MED22: variants seen among roughly 807,000 people sequenced by gnomAD.
The protein encoded by MED22 is mediator complex subunit 22.
MED22 carries 22 observed loss-of-function variants against 22.7 expected under a neutral mutation model. The observed-to-expected ratio is 0.97, with a 90% CI of 0.69 to 1.38. The LOEUF is 1.38. Among genes scored for constraint, MED22 ranks in the 40% most tolerant of loss-of-function variants. The pLI is 0.00. For missense variants in MED22, 247 were observed against 263.0 expected, an observed-to-expected ratio of 0.94 and a Z score of 0.42; for synonymous variants, 134 against 119.4, an observed-to-expected ratio of 1.12 and a Z score of -0.80.
rs2129960284 is a variant in MED22 at position 133,344,190 on chromosome 9, G to A, written c.348C>T (p.Leu116=). The change falls in exon 4 of 5, where the codon CTC becomes CTT. Residue 116 remains leucine, a synonymous_variant. Transcript: ENST00000343730. ...TGGAGATCTCGTCTCGCAGCGTGAT[G>A]AGCTTCCGGTCGCACTCCTCCTGCA... The part of the protein sequence containing the change: ...RTLQEECDRK[L]ITLRDEISID... The A allele has an allele frequency of 4.3e-6, 7 of 1,614,084 alleles. No individual in the cohort carries two copies. Among genetic ancestry groups the A allele is most frequent in the Non-Finnish European group, 5.9e-6 (7 of 1,180,018 alleles).
At position 133,339,203 on chromosome 9, in the gene MED22, G is replaced by A. The variant is rs972416351; in HGVS notation, c.*2302C>T. 1 of 694,868 alleles carries A rather than the reference G, an allele frequency of 1.4e-6. No individual in the cohort carries two copies. Among genetic ancestry groups the A allele is most frequent in the Non-Finnish European group, 2.7e-6 (1 of 373,486 alleles). 43.0% of individuals were successfully genotyped at this position (694,868 alleles called of 1,614,324 possible). A position where few individuals can be genotyped will look rare whatever the true frequency, so the allele number is the denominator to read the frequency against. ...AGTCTACAGTGTTCCCCAGCATGCT[G>A]TTGGCACTGTTGTAAACAAGTAAGG... On this transcript the variant is annotated 3_prime_UTR_variant, in exon 5 of 5. Transcript: ENST00000343730.
chr9:133,339,416 G>A lies in MED22; in HGVS notation c.*2089C>T. On this transcript the variant is annotated 3_prime_UTR_variant, in exon 5 of 5. Transcript: ENST00000343730. ...GAGCAGCACACTGTGAGAACCAATGGGAAGGAGCCTGAGCTGCTGGAACCT... is the reference window on the plus strand; with the variant it reads ...GAGCAGCACACTGTGAGAACCAATGAGAAGGAGCCTGAGCTGCTGGAACCT... 1.3e-6 allele frequency: 1 copy of A among 787,676 alleles called. No individual in the cohort carries two copies. Among genetic ancestry groups the A allele is most frequent in the Non-Finnish European group, 2.3e-6 (1 of 436,938 alleles). 48.8% of individuals were successfully genotyped at this position (787,676 alleles called of 1,614,324 possible).
In MED22 at chr9:133,339,090, A is replaced by G; in HGVS notation, c.*2415T>C. On this transcript the variant is annotated 3_prime_UTR_variant, in exon 5 of 5. Coordinates refer to ENST00000343730, the MANE Select transcript of MED22 (RefSeq NM_133640.5). ...CCTTTGGCCAAGTATATGCAAATTG[A>G]TGAGAAAGGTGATATTGTAGATATC... is the stretch of plus-strand genomic sequence containing the variant. 1.5e-6 allele frequency: 1 copy of G among 679,306 alleles called. No individual in the cohort carries two copies. The highest frequency in any genetic ancestry group is 1.8e-5 in the African/African-American group (1 of 56,744). The allele number at this position is 679,306 out of a possible 1,614,324, so 42.1% of individuals were successfully genotyped here.
At chr9:133,343,374 C>T in intron 4 of MED22, 1 of 1,230,510 alleles carries the variant, frequency 8.1e-7, no homozygotes, top group Non-Finnish European at 1.0e-6. Context: ...CTAAGTTTCC[C>T]CCTAAGTAAA....
At position 133,348,083 on chromosome 9, in the gene MED22, A is replaced by T. The variant is rs1398599201; in HGVS notation, c.-200T>A. The T allele has an allele frequency of 7.8e-6, 8 of 1,030,808 alleles. No individual in the cohort carries two copies. The highest frequency in any genetic ancestry group is 1.6e-5 in the African/African-American group (1 of 62,814). 63.9% of individuals were successfully genotyped at this position (1,030,808 alleles called of 1,614,324 possible). ...CGCGCCGCGGTCCGAAAACCTAGTC[A>T]GCCGCCGCAGCCTCTCGGCCCCGCC... On this transcript the variant is annotated 5_prime_UTR_variant, in exon 1 of 5. Coordinates refer to ENST00000343730, the MANE Select transcript of MED22 (RefSeq NM_133640.5).
chr9:133,338,750 T>C lies in MED22; in HGVS notation c.*2755A>G, dbSNP rs1470231838. ...AGCCACCGCGCCCGGCCGATTTCTA[T>C]ACTTTTTAGTAGAGACGGGGTTTCT... On this transcript the variant is annotated 3_prime_UTR_variant, in exon 5 of 5. Transcript: ENST00000343730. The C allele has an allele frequency of 6.1e-6, 2 of 326,866 alleles. No homozygotes were observed. Among genetic ancestry groups the C allele is most frequent in the East Asian group, 1.5e-4 (2 of 13,306 alleles). 20.2% of individuals were successfully genotyped at this position (326,866 alleles called of 1,614,324 possible).
intron 3 of MED22, among the ~76,000 whole-genome samples, chr9:133,344,822 G>T (rs2129962932): frequency 3.3e-5 from 5 of 152,120 alleles, no homozygotes; most frequent in Non-Finnish European, 7.4e-5. Context: ...GTTCCATTCG[G>T]CTGTTTGTCT....
chr9:133,346,167 C>T (rs1373306640), intron 2 of MED22, among the ~76,000 whole-genome samples: 1 of 152,176 alleles, frequency 6.6e-6, no homozygotes, highest in Non-Finnish European at 1.5e-5. Context: ...GGCTTGCAGG[C>T]CCCAGTGCTG....
chr9:133,346,760 C>G (rs1030693370), intron 1 of MED22, 60 bp from the exon 2 acceptor site: 2 of 1,436,202 alleles, frequency 1.4e-6, no homozygotes, highest in Non-Finnish European at 9.3e-7. Flanking sequence ...CCCTCTATGC[C>G]CCAACCTTAG....
At chr9:133,345,570 C>T (rs187513825) in intron 2 of MED22, among the ~76,000 whole-genome samples, 1 of 152,324 alleles carries the variant, frequency 6.6e-6, no homozygotes, top group Non-Finnish European at 1.5e-5. Flanking sequence ...TGTGGGAGCC[C>T]TGTTTGGTAG....
chr9:133,344,370 G>C lies in MED22; in HGVS notation c.205-37C>G, dbSNP rs201820129. ...AGAACCAGGGCGGGCACAGGGTGAG[G>C]GGGGACAGCGGCCTTGCCTACAAGT... On this transcript the variant is annotated intron_variant, in intron 3 of 4. Transcript: ENST00000343730. 182 of 1,607,594 alleles carry C rather than the reference G, an allele frequency of 1.1e-4. No homozygotes were observed. In the East Asian group the frequency reaches 2.0e-3, roughly 17 times the overall value.
At chr9:133,346,791 G>GGATT in intron 1 of MED22, 91 bp from the exon 2 acceptor site, 1 of 1,153,522 alleles carries the variant, frequency 8.7e-7, no homozygotes, top group Non-Finnish European at 1.2e-6. Context: ...AGATTTCTGG[G>GGATT]GATTCCCTTT....
rs1462230428 is a variant in MED22, at chr9:133,339,407, G to A, written c.*2098C>T. On this transcript the variant is annotated 3_prime_UTR_variant, in exon 5 of 5. Transcript: ENST00000343730. ...CTCCACCCAGAGCAGCACACTGTGA[G>A]AACCAATGGGAAGGAGCCTGAGCTG... 7 of 776,068 alleles carry A rather than the reference G, an allele frequency of 9.0e-6. No individual in the cohort carries two copies. Among genetic ancestry groups the A allele is most frequent in the Non-Finnish European group, 4.7e-6 (2 of 426,168 alleles). The allele number at this position is 776,068 out of a possible 1,614,324, so 48.1% of individuals were successfully genotyped here. A position where few individuals can be genotyped will look rare whatever the true frequency, so the allele number is the denominator to read the frequency against.
chr9:133,346,654 C>T lies in MED22; in HGVS notation c.9G>A (p.Gln3=), dbSNP rs2129969334. The change falls in exon 2 of 5, where the codon CAG becomes CAA. Residue 3 remains glutamine, a synonymous_variant. Transcript: ENST00000343730. MA[Q]QRALPQSKET... ...CCTTGCTCTGGGGCAGGGCTCTCTG[C>T]TGGGCCATGGCCGAGCCTCAAGCAG... is the stretch of plus-strand genomic sequence containing the variant. The T allele has an allele frequency of 1.2e-6, 2 of 1,611,940 alleles. No individual in the cohort carries two copies. Among genetic ancestry groups the T allele is most frequent in the African/African-American group, 2.7e-5 (2 of 75,028 alleles).
chr9:133,343,776 A>G, intron 4 of MED22: 2 of 1,342,670 alleles, frequency 1.5e-6, no homozygotes, highest in Non-Finnish European at 1.9e-6. Context: ...AGAAGGTAAC[A>G]GGAGCAGCAC....
intron 4 of MED22, chr9:133,341,941 T>C: frequency 2.3e-6 from 3 of 1,296,092 alleles, no homozygotes; most frequent in Non-Finnish European, 1.9e-6. Flanking sequence ...CACCAACAGC[T>C]GTGTGACCTC....
At chr9:133,341,791 C>T (rs2129950970) in intron 4 of MED22, 97 bp from the exon 5 acceptor site, 19 of 1,520,744 alleles carry the variant, frequency 1.2e-5, no homozygotes, top group African/African-American at 7.2e-5. Context: ...TAAGAAAACA[C>T]GACCACACCC....
intron 3 of MED22, 41 bp from the exon 4 acceptor site, chr9:133,344,374 G>T: frequency 6.2e-7 from 1 of 1,605,994 alleles, no homozygotes; most frequent in Non-Finnish European, 8.5e-7. Flanking sequence ...GGTGAGGGGG[G>T]ACAGCGGCCT....
intron 4 of MED22, chr9:133,343,671 T>C: frequency 2.4e-6 from 3 of 1,256,950 alleles, no homozygotes; most frequent in Non-Finnish European, 3.0e-6. Context: ...GACATCCACA[T>C]GGAATTGCAT....
Sources: allele counts gnomAD v4.1 joint callset (sites outside exome capture counted in the v4.1 genomes callset), GRCh38; gene constraint gnomAD v4.1.1; transcripts MANE v1.5; gene names NCBI Gene and HGNC (gene_info 2026-07-23, HGNC 2026-07-21).